The following TARS3 variants were observed in gnomAD, a reference collection of about 807,000 sequenced individuals.
TARS3 encodes the protein threonyl-tRNA synthetase 3.
Under a neutral mutation model 103.5 loss-of-function variants are expected in TARS3, and 94 were observed. The observed-to-expected ratio is 0.91, with a 90% CI of 0.77 to 1.08. TARS3 has a LOEUF of 1.08. Ranked by LOEUF, TARS3 falls within the 50% of genes least tolerant of loss-of-function variation. The pLI is 0.00. For missense variants in TARS3, 952 were observed against 995.2 expected, an observed-to-expected ratio of 0.96 and a Z score of 0.58; for synonymous variants, 416 against 355.4, an observed-to-expected ratio of 1.17 and a Z score of -1.92.
intron 12 of TARS3, among the ~76,000 whole-genome samples, chr15:101,681,817 G>A (rs1718922419): frequency 6.6e-6 from 1 of 152,178 alleles, no homozygotes; most frequent in African/African-American, 2.4e-5. Flanking sequence ...TTGGGGGTTA[G>A]GACTTCAACA....
chr15:101,688,721 A>G lies in TARS3; in HGVS notation c.1321-2659T>C, dbSNP rs140130956. On this transcript the variant is annotated intron_variant, in intron 10 of 18. Transcript: ENST00000335968. The stretch of plus-strand genomic sequence containing the variant: ...AATAGGAGAGAAGATGAATGCTATA[A>G]TAAGTTAGAATCTGCAAAGTAGGTG... Among the ~76,000 whole-genome samples, 243 of 152,340 alleles carry G rather than the reference A, an allele frequency of 1.6e-3. 2 individuals carry two copies. The highest frequency in any genetic ancestry group is 5.2e-3 in the African/African-American group (215 of 41,566).
chr15:101,698,246 G>A (rs1304274993), intron 10 of TARS3, among the ~76,000 whole-genome samples: 1 of 152,148 alleles, frequency 6.6e-6, no homozygotes, highest in Non-Finnish European at 1.5e-5. Context: ...GCAGGAGAAT[G>A]GCGTGAGCCT....
At chr15:101,657,213 A>C (rs1897225901) in intron 17 of TARS3, among the ~76,000 whole-genome samples, 177 bp from the exon 18 acceptor site, 1 of 152,210 alleles carries the variant, frequency 6.6e-6, no homozygotes, top group Non-Finnish European at 1.5e-5. Context: ...TTCTGAGACT[A>C]GTTTATAAAA....
chr15:101,716,586 G>T (rs1157979264), intron 3 of TARS3, among the ~76,000 whole-genome samples: 1 of 152,136 alleles, frequency 6.6e-6, no homozygotes, highest in South Asian at 2.1e-4. Flanking sequence ...TATTTGCTAG[G>T]CATTTTAATT....
rs920730452 is a variant in TARS3, at chr15:101,653,803, G to A, written c.*779C>T. The A allele has an allele frequency of 6.6e-6, 1 of 152,176 alleles. No individual in the cohort carries two copies. Among genetic ancestry groups the A allele is most frequent in the Non-Finnish European group, 1.5e-5 (1 of 68,038 alleles). 9.4% of individuals were successfully genotyped at this position (152,176 alleles called of 1,614,324 possible). A position where few individuals can be genotyped will look rare whatever the true frequency, so the allele number is the denominator to read the frequency against. On this transcript the variant is annotated 3_prime_UTR_variant, in exon 19 of 19. Transcript: ENST00000335968. ...TTTAATTCAGTTCTGAGCACGTAGA[G>A]CATTCCTCTCTTTAAAATCTGAAAT...
At chr15:101,688,177 T>C (rs1003957019) in intron 10 of TARS3, among the ~76,000 whole-genome samples, 1 of 152,148 alleles carries the variant, frequency 6.6e-6, no homozygotes, top group Non-Finnish European at 1.5e-5. Context: ...CACACACACA[T>C]ATAAATAACA....
rs1263901893 is a variant in TARS3, at chr15:101,656,974, T to C, written c.2208A>G (p.Thr736=). 1.2e-6 allele frequency: 2 copies of C among 1,613,806 alleles called. No homozygotes were observed. Among genetic ancestry groups the C allele is most frequent in the Admixed American group, 1.7e-5 (1 of 60,000 alleles). Reference sequence around the variant, plus strand: ...GTGCATTTCGTATTTTCTTATTTAGTGTACAACTGTGATCCAAGTCAACGT... The same window carrying C: ...GTGCATTTCGTATTTTCTTATTTAGCGTACAACTGTGATCCAAGTCAACGT... The part of the protein sequence containing the change: ...MADVDLDHSC[T]LNKKIRNAQL... Residue 736 remains threonine, a synonymous_variant, in exon 18 of 19, where the codon ACA becomes ACG. Transcript: ENST00000335968.
chr15:101,654,218 C>G lies in TARS3; in HGVS notation c.*364G>C, dbSNP rs1190378754. The G allele has an allele frequency of 5.9e-6, 1 of 170,378 alleles. No individual in the cohort carries two copies. The highest frequency in any genetic ancestry group is 2.4e-5 in the African/African-American group (1 of 40,840). The allele number at this position is 170,378 out of a possible 1,614,324, so 10.6% of individuals were successfully genotyped here. ...AGACATATTAGAAAATAAGATTTTC[C>G]CTCCTATTTAAAAAAAACTCTGCAG... On this transcript the variant is annotated 3_prime_UTR_variant, in exon 19 of 19. Transcript: ENST00000335968.
At chr15:101,699,283 A>C in intron 10 of TARS3, 1 of 371,110 alleles carries the variant, frequency 2.7e-6, no homozygotes, top group South Asian at 2.0e-5. Flanking sequence ...TGTCTGTCAA[A>C]TATTCCCATT....
At position 101,700,686 on chromosome 15, in the gene TARS3, C is replaced by T. The variant is rs554267657; in HGVS notation, c.1320+400G>A. Reference sequence around the variant, plus strand: ...TTGAGATGGAGTCTTGCTCTGTCACCAGGCTGGAGCGCAGTGGCACAATCC... The same window carrying T: ...TTGAGATGGAGTCTTGCTCTGTCACTAGGCTGGAGCGCAGTGGCACAATCC... On this transcript the variant is annotated intron_variant, in intron 10 of 18. Coordinates refer to ENST00000335968, the MANE Select transcript of TARS3 (RefSeq NM_152334.3). Among the ~76,000 whole-genome samples, 5 of 151,410 alleles carry T rather than the reference C, an allele frequency of 3.3e-5. 1 individual carries two copies. Among genetic ancestry groups the T allele is most frequent in the Non-Finnish European group, 5.9e-5 (4 of 67,952 alleles).
At chr15:101,660,287 AC>A (rs1450496614) in intron 16 of TARS3, among the ~76,000 whole-genome samples, 1 of 152,232 alleles carries the variant, frequency 6.6e-6, no homozygotes, top group African/African-American at 2.4e-5. Flanking sequence ...TAGAAATTTC[AC>A]AGGTGGTTGC....
At chr15:101,691,525 C>A (rs1244155381) in intron 10 of TARS3, among the ~76,000 whole-genome samples, 1 of 152,056 alleles carries the variant, frequency 6.6e-6, no homozygotes, top group Non-Finnish European at 1.5e-5. Context: ...AGCGATCCAC[C>A]CCTCTCAGCC....
chr15:101,662,707 T>C (rs941198005), intron 15 of TARS3, among the ~76,000 whole-genome samples: 1 of 152,160 alleles, frequency 6.6e-6, no homozygotes, highest in Non-Finnish European at 1.5e-5. Context: ...ATCCCAAAAA[T>C]TGAAACCAGT....
At chr15:101,663,987 T>C (rs1897481127) in intron 15 of TARS3, among the ~76,000 whole-genome samples, 1 of 152,210 alleles carries the variant, frequency 6.6e-6, no homozygotes, top group Non-Finnish European at 1.5e-5. Context: ...CACACTCTCA[T>C]CCACCCCTGC....
chr15:101,724,137 G>C lies in TARS3; in HGVS notation c.251C>G (p.Thr84Arg). The C allele has an allele frequency of 4.9e-6, 7 of 1,440,790 alleles. No homozygotes were observed. The highest frequency in any genetic ancestry group is 5.5e-6 in the Non-Finnish European group (6 of 1,097,100). The allele number at this position is 1,440,790 out of a possible 1,614,324, so 89.3% of individuals were successfully genotyped here. A position where few individuals can be genotyped will look rare whatever the true frequency, so the allele number is the denominator to read the frequency against. Reference protein sequence around the residue: ...CLAEERSRQATLESAELEAAQ... With the variant: ...CLAEERSRQARLESAELEAAQ... ...CGCCTCTAGCTCCGCGCTCTCCAGC[G>C]TGGCCTGGCGGCTCCGCTCCTCGGC... Residue 84 changes from threonine (T) to arginine (R), a missense_variant, in exon 1 of 19, where the codon ACG becomes AGG. By Grantham distance (71) the Thr-to-Arg change is moderately conservative. Coordinates refer to ENST00000335968, the MANE Select transcript of TARS3 (RefSeq NM_152334.3).
At chr15:101,701,788 T>C (rs908395481) in intron 9 of TARS3, among the ~76,000 whole-genome samples, 9 of 151,992 alleles carry the variant, frequency 5.9e-5, no homozygotes, top group African/African-American at 2.2e-4. Context: ...AACTCTTTTT[T>C]TTTTTGAGAC....
intron 3 of TARS3, among the ~76,000 whole-genome samples, chr15:101,715,621 C>T (rs143488863): frequency 2.4e-4 from 36 of 152,258 alleles, no homozygotes; most frequent in African/African-American, 7.7e-4. Flanking sequence ...AAGCAGCTGC[C>T]GACATAATTG....
At chr15:101,664,885 G>T (rs1289868430) in intron 15 of TARS3, among the ~76,000 whole-genome samples, 3 of 152,104 alleles carry the variant, frequency 2.0e-5, no homozygotes, top group African/African-American at 7.2e-5. Context: ...TGGAGTGACT[G>T]GAAAGACCAA....
chr15:101,694,652 C>G (rs577852580), intron 10 of TARS3, among the ~76,000 whole-genome samples: 1 of 152,336 alleles, frequency 6.6e-6, no homozygotes, highest in East Asian at 1.9e-4. Context: ...GTATTCTTTT[C>G]TCCAGCAACG....
Sources: allele counts gnomAD v4.1 joint callset (sites outside exome capture counted in the v4.1 genomes callset), GRCh38; gene constraint gnomAD v4.1.1; transcripts MANE v1.5; gene names NCBI Gene and HGNC (gene_info 2026-07-23, HGNC 2026-07-21).